ARIH1: variants seen among roughly 807,000 people sequenced by gnomAD.
The protein encoded by ARIH1 is ariadne RBR E3 ubiquitin protein ligase 1.
Under a neutral mutation model 85.0 loss-of-function variants are expected in ARIH1, and 8 were observed. That is an observed-to-expected ratio of 0.09 (90% confidence interval 0.06 to 0.17). ARIH1 has a LOEUF of 0.17. ARIH1 is among the 10% of genes least tolerant of loss of function. The pLI, the probability that ARIH1 is intolerant of heterozygous loss-of-function variation, is 1.00. For synonymous variants in ARIH1, 238 were observed against 253.6 expected (o/e 0.94, Z 0.59); for missense variants, 311 against 718.1 (o/e 0.43, Z 6.48).
intron 2 of ARIH1, among the ~76,000 whole-genome samples, chr15:72,526,348 A>G (rs2064028265): frequency 6.6e-6 from 1 of 152,154 alleles, no homozygotes; most frequent in Non-Finnish European, 1.5e-5. Context: ...CTTGCCAGTT[A>G]TTCCTCTTGT....
intron 1 of ARIH1, among the ~76,000 whole-genome samples, chr15:72,486,997 C>G (rs2140394096): frequency 6.6e-6 from 1 of 152,036 alleles, no homozygotes; most frequent in East Asian, 1.9e-4. Flanking sequence ...CCCAGCCTGA[C>G]AATTTTGGTT....
intron 9 of ARIH1, 161 bp from the exon 10 acceptor site, chr15:72,570,016 A>T (rs1372427154): frequency 1.6e-6 from 1 of 633,396 alleles, no homozygotes; most frequent in Admixed American, 3.3e-5. Context: ...CTCATTTTAA[A>T]TAGTGCTTAA....
chr15:72,535,271 A>C (rs2064077186), intron 2 of ARIH1, among the ~76,000 whole-genome samples: 1 of 152,130 alleles, frequency 6.6e-6, no homozygotes, highest in Non-Finnish European at 1.5e-5. Context: ...TATTCTTACC[A>C]CATTTACCAA....
rs1363674853 is a variant in ARIH1 at position 72,597,611 on chromosome 15, AT to A, written c.*14324del. ...TCACAACAATCCTGCCTCCCCTTTC[AT>A]TTTTAAAGGGTATTTTGCCCTTGGG... On this transcript the variant is annotated 3_prime_UTR_variant, in exon 14 of 14. Coordinates refer to ENST00000379887, the MANE Select transcript of ARIH1 (RefSeq NM_005744.5). 1 of 151,956 alleles carries A rather than the reference AT, an allele frequency of 6.6e-6. No individual in the cohort carries two copies. The highest frequency in any genetic ancestry group is 1.5e-5 in the Non-Finnish European group (1 of 67,996). 9.4% of individuals were successfully genotyped at this position (151,956 alleles called of 1,614,324 possible).
intron 3 of ARIH1, among the ~76,000 whole-genome samples, chr15:72,546,692 G>GT (rs1235535608): frequency 2.0e-5 from 3 of 151,352 alleles, no homozygotes; most frequent in African/African-American, 7.3e-5. Context: ...GTTTTGTTTT[G>GT]TTTGTTTGTT....
intron 2 of ARIH1, among the ~76,000 whole-genome samples, chr15:72,526,305 G>A (rs2064028025): frequency 6.6e-6 from 1 of 152,072 alleles, no homozygotes; most frequent in Non-Finnish European, 1.5e-5. Flanking sequence ...GGTGCCCATG[G>A]TCCCCTGAGG....
At chr15:72,475,313 T>C (rs902946425) in intron 1 of ARIH1, 25 of 448,286 alleles carry the variant, frequency 5.6e-5, no homozygotes, top group Non-Finnish European at 8.9e-5. Flanking sequence ...GGGCCGGGTG[T>C]CCTTTCTCTG....
chr15:72,557,831 A>T (rs182410670), intron 5 of ARIH1, among the ~76,000 whole-genome samples: 1 of 152,216 alleles, frequency 6.6e-6, no homozygotes, highest in Non-Finnish European at 1.5e-5. Flanking sequence ...TTGCATTATT[A>T]ATTTGGCGCT....
rs1452351766 is a variant in ARIH1 at position 72,593,832 on chromosome 15, T to A, written c.*10540T>A. 1 of 152,050 alleles carries A rather than the reference T, an allele frequency of 6.6e-6. No individual in the cohort carries two copies. The highest frequency in any genetic ancestry group is 6.6e-5 in the Admixed American group (1 of 15,260). 9.4% of individuals were successfully genotyped at this position (152,050 alleles called of 1,614,324 possible). A position where few individuals can be genotyped will look rare whatever the true frequency, so the allele number is the denominator to read the frequency against. ...TTTTACAATTAGCTCATCTTGTTTTTCAAACGTAGATGTGCTGGGTTAGCT... is the reference window on the plus strand; with the variant it reads ...TTTTACAATTAGCTCATCTTGTTTTACAAACGTAGATGTGCTGGGTTAGCT... On this transcript the variant is annotated 3_prime_UTR_variant, in exon 14 of 14. Coordinates refer to ENST00000379887, the MANE Select transcript of ARIH1 (RefSeq NM_005744.5).
At chr15:72,550,490 A>G (rs1455954696) in intron 3 of ARIH1, among the ~76,000 whole-genome samples, 1 of 152,224 alleles carries the variant, frequency 6.6e-6, no homozygotes, top group African/African-American at 2.4e-5. Context: ...TGTGTCTTTT[A>G]CAGAATACCC....
At chr15:72,568,588 T>C (rs768118065) in intron 9 of ARIH1, among the ~76,000 whole-genome samples, 3 of 152,160 alleles carry the variant, frequency 2.0e-5, no homozygotes, top group Non-Finnish European at 4.4e-5. Context: ...GAAGAGTTTT[T>C]CTCTTGAGGT....
At chr15:72,561,889 C>CTT (rs2064199034) in intron 6 of ARIH1, among the ~76,000 whole-genome samples, 1 of 152,202 alleles carries the variant, frequency 6.6e-6, no homozygotes, top group Non-Finnish European at 1.5e-5. Context: ...AGGAGAATCG[C>CTT]TTGAACCCTG....
chr15:72,581,881 T>G, intron 12 of ARIH1, 194 bp from the exon 13 acceptor site: 1 of 414,400 alleles, frequency 2.4e-6, no homozygotes, highest in Non-Finnish European at 4.3e-6. Context: ...CTTTTAACAT[T>G]TAAAAAATTG....
At chr15:72,579,376 G>C (rs879917826) in intron 11 of ARIH1, among the ~76,000 whole-genome samples, 5 of 152,098 alleles carry the variant, frequency 3.3e-5, no homozygotes, top group Admixed American at 6.5e-5. Flanking sequence ...CAGTGGTTGG[G>C]GGGGGAGCCC....
At chr15:72,578,620 A>AT (rs2064282038) in intron 11 of ARIH1, among the ~76,000 whole-genome samples, 1 of 152,050 alleles carries the variant, frequency 6.6e-6, no homozygotes, top group Admixed American at 6.6e-5. Flanking sequence ...GTGTTTTCAA[A>AT]TTGTTGGCAA....
At chr15:72,555,794 G>A in intron 4 of ARIH1, 58 bp from the exon 5 acceptor site, 1 of 1,453,900 alleles carries the variant, frequency 6.9e-7, no homozygotes, top group East Asian at 2.3e-5. Flanking sequence ...CCTGGCGATG[G>A]TAAGCATTCA....
In ARIH1 at chr15:72,555,888, G is replaced by A; in HGVS notation, c.718G>A (p.Val240Met). 1 of 1,613,142 alleles carries A rather than the reference G, an allele frequency of 6.2e-7. No homozygotes were observed. Among genetic ancestry groups the A allele is most frequent in the Non-Finnish European group, 8.5e-7 (1 of 1,179,338 alleles). ...TCCTGCTCATGGTTGTGATATCTTA[G>A]TGGATGACAACACAGTTATGTAAGT... The part of the protein sequence containing the change: ...SCPAHGCDIL[V>M]DDNTVMRLIT... Residue 240 changes from valine to methionine, a missense_variant, in exon 5 of 14, where the codon GTG becomes ATG. Around this residue, in one of 3 missense-constraint regions of ARIH1, gnomAD observed 104 missense variants for 221.4 expected, o/e 0.47. Transcript: ENST00000379887.
chr15:72,520,889 G>C (rs771716181), intron 2 of ARIH1, among the ~76,000 whole-genome samples: 39 of 151,854 alleles, frequency 2.6e-4, no homozygotes, highest in Admixed American at 4.6e-4. Context: ...TGTCACCCAG[G>C]CTGGAGTGCA....
At position 72,474,446 on chromosome 15, in the gene ARIH1, CTCCT is replaced by C; in HGVS notation, c.-193_-190del. On this transcript the variant is annotated 5_prime_UTR_variant, in exon 1 of 14. Coordinates refer to ENST00000379887, the MANE Select transcript of ARIH1 (RefSeq NM_005744.5). ...AGCGGCCCCCTCGCTCCCTCCCTCCCTCCTCCGCGCCCTCCCCGCCGCCACCAGC... is the reference window on the plus strand; with the variant it reads ...AGCGGCCCCCTCGCTCCCTCCCTCCCCCGCGCCCTCCCCGCCGCCACCAGC... The C allele has an allele frequency of 1.4e-6, 1 of 701,830 alleles. No homozygotes were observed. The highest frequency in any genetic ancestry group is 2.3e-6 in the Non-Finnish European group (1 of 443,630). 43.5% of individuals were successfully genotyped at this position (701,830 alleles called of 1,614,324 possible).
Sources: allele counts gnomAD v4.1 joint callset (sites outside exome capture counted in the v4.1 genomes callset), GRCh38; gene constraint gnomAD v4.1.1; regional missense constraint gnomAD v4.1.1; transcripts MANE v1.5; gene names NCBI Gene and HGNC (gene_info 2026-07-23, HGNC 2026-07-21).